INTS6L: variants seen among roughly 807,000 people sequenced by gnomAD.
The protein encoded by INTS6L is integrator complex subunit 6 like, also known as integrator complex subunit 6-like.
Under a neutral mutation model 64.7 loss-of-function variants are expected in INTS6L, and 18 were observed. The observed-to-expected ratio is 0.28, with a 90% CI of 0.19 to 0.41. The LOEUF is 0.41. Among genes scored for constraint, INTS6L ranks in the 10% least tolerant of loss-of-function variants. The probability of loss-of-function intolerance (pLI) is 1.00; values close to 1 mark genes in which losing one functional copy is unlikely to be tolerated. For missense variants in INTS6L, 533 were observed against 661.0 expected (o/e 0.81, Z 2.12); for synonymous variants, 227 against 235.9 (o/e 0.96, Z 0.34).
chrX:135,551,228 C>T (rs903352029), intron 7 of INTS6L, among the ~76,000 whole-genome samples: 1 of 112,408 alleles, frequency 8.9e-6, no homozygotes. Context: ...GTCTCTGGGA[C>T]TTGTCCTGTG....
intron 6 of INTS6L, among the ~76,000 whole-genome samples, chrX:135,548,103 G>T (rs1479064601): frequency 7.3e-5 from 8 of 109,616 alleles, no homozygotes; most frequent in African/African-American, 2.7e-4. Flanking sequence ...CACAGTGATT[G>T]TCTAGCCTGA....
chrX:135,543,577 C>T (rs1043516741), intron 2 of INTS6L, among the ~76,000 whole-genome samples: 2 of 111,623 alleles, frequency 1.8e-5, no homozygotes, highest in Non-Finnish European at 3.8e-5. Flanking sequence ...CCCTCAAGAG[C>T]TAATTCCTCT....
At chrX:135,572,521 G>T (rs1451749883) in intron 11 of INTS6L, 2 of 207,638 alleles carry the variant, frequency 9.6e-6, no homozygotes, top group Non-Finnish European at 8.6e-6. Flanking sequence ...GTAACAAAAT[G>T]TGCTTTTAAA....
At chrX:135,576,669 T>C (rs1425409326) in intron 14 of INTS6L, among the ~76,000 whole-genome samples, 2 of 44,818 alleles carry the variant, frequency 4.5e-5, no homozygotes, top group East Asian at 7.8e-4. Flanking sequence ...TGAATCTCTG[T>C]GAGGCTGCAG....
chrX:135,529,493 C>A (rs2085844243), intron 2 of INTS6L, among the ~76,000 whole-genome samples: 1 of 111,770 alleles, frequency 8.9e-6, no homozygotes, highest in South Asian at 3.7e-4. Context: ...CTTAATCCTC[C>A]TAGTGGAGGT....
At chrX:135,553,144 G>A (rs2086546031) in intron 8 of INTS6L, among the ~76,000 whole-genome samples, 1 of 109,711 alleles carries the variant, frequency 9.1e-6, no homozygotes, top group Non-Finnish European at 1.9e-5. Flanking sequence ...ATTACATATT[G>A]TGTGATTCTA....
At position 135,520,860 on chromosome X, in the gene INTS6L, G is replaced by C. The variant is rs1407433568; in HGVS notation, c.-133G>C. On this transcript the variant is annotated 5_prime_UTR_variant, in exon 1 of 18. Transcript: ENST00000639893. ...GGAGCGGTCCCATCCGTCCCGTCCCGTCCCGTCTCCCCCTCTTCCTCTTGC... is the reference window on the plus strand; with the variant it reads ...GGAGCGGTCCCATCCGTCCCGTCCCCTCCCGTCTCCCCCTCTTCCTCTTGC... 32 of 651,060 alleles carry C rather than the reference G, an allele frequency of 4.9e-5. No homozygotes were observed. The highest frequency in any genetic ancestry group is 7.7e-5 in the Non-Finnish European group (32 of 416,405). The allele number at this position is 651,060 out of a possible 1,213,427, so 53.7% of individuals were successfully genotyped here. A position where few individuals can be genotyped will look rare whatever the true frequency, so the allele number is the denominator to read the frequency against.
At chrX:135,548,047 GTATATA>G (rs5903902) in intron 6 of INTS6L, among the ~76,000 whole-genome samples, 1 of 101,330 alleles carries the variant, frequency 9.9e-6, no homozygotes. Context: ...ATGTGTAAGT[GTATATA>G]TATATATATA....
chrX:135,555,960 A>G (rs188350813), intron 8 of INTS6L, among the ~76,000 whole-genome samples: 50 of 112,332 alleles, frequency 4.5e-4, no homozygotes, highest in Non-Finnish European at 9.0e-4. Context: ...AAGTGTCAGG[A>G]TTATAAGTGT....
intron 9 of INTS6L, among the ~76,000 whole-genome samples, chrX:135,567,378 G>C (rs1313550932): frequency 1.8e-5 from 2 of 111,723 alleles, no homozygotes; most frequent in Non-Finnish European, 3.8e-5. Context: ...CCATGTGAAT[G>C]GGTATTTAAT....
chrX:135,576,465 T>A (rs2087231333), intron 14 of INTS6L, among the ~76,000 whole-genome samples: 1 of 112,249 alleles, frequency 8.9e-6, no homozygotes, highest in South Asian at 3.7e-4. Context: ...CTGTATTGTT[T>A]ATGAGTAAAA....
In INTS6L at chrX:135,582,270, C is replaced by G. The variant is rs925830733; in HGVS notation, c.*634C>G. The G allele has an allele frequency of 8.9e-6, 1 of 112,014 alleles. No homozygotes were observed. The highest frequency in any genetic ancestry group is 3.3e-5 in the African/African-American group (1 of 30,751). The allele number at this position is 112,014 out of a possible 1,213,427, so 9.2% of individuals were successfully genotyped here. A position where few individuals can be genotyped will look rare whatever the true frequency, so the allele number is the denominator to read the frequency against. On this transcript the variant is annotated 3_prime_UTR_variant, in exon 18 of 18. Coordinates refer to ENST00000639893, the MANE Select transcript of INTS6L (RefSeq NM_001351601.3). ...ATTACAAAGTGCACTTGAGGCTGCCCCCAACCTCTGACATTTGTTCTTGCA... is the reference window on the plus strand; with the variant it reads ...ATTACAAAGTGCACTTGAGGCTGCCGCCAACCTCTGACATTTGTTCTTGCA...
At position 135,577,259 on chromosome X, in the gene INTS6L, G is replaced by A; in HGVS notation, c.1951G>A (p.Glu651Lys). 8.3e-7 allele frequency: 1 copy of A among 1,211,463 alleles called. No homozygotes were observed. The highest frequency in any genetic ancestry group is 1.1e-6 in the Non-Finnish European group (1 of 895,499). The change falls in exon 15 of 18, where the codon GAA (glutamate) becomes AAA (lysine). Residue 651 changes from glutamate to lysine, a missense_variant. Transcript: ENST00000639893. ...ACAAAACAAAGTGAAACGTCCAGGGGAACCCAACAGTCCTATGTCATCTAA... is the reference window on the plus strand; with the variant it reads ...ACAAAACAAAGTGAAACGTCCAGGGAAACCCAACAGTCCTATGTCATCTAA... ...GPQNKVKRPG[E>K]PNSPMSSKRR... is the part of the protein sequence containing the mutation.
intron 2 of INTS6L, among the ~76,000 whole-genome samples, chrX:135,523,079 T>C (rs2085630990): frequency 8.9e-6 from 1 of 111,801 alleles, no homozygotes; most frequent in Non-Finnish European, 1.9e-5. Context: ...GTGTGCCTTC[T>C]TTTCCTTAAA....
Position 135,546,367 on chromosome X carries a change from A to G in INTS6L, c.340-13A>G. 1 of 1,064,676 alleles carries G rather than the reference A, an allele frequency of 9.4e-7. No homozygotes were observed. Among genetic ancestry groups the G allele is most frequent in the South Asian group, 2.3e-5 (1 of 42,762 alleles). The allele number at this position is 1,064,676 out of a possible 1,213,427, so 87.7% of individuals were successfully genotyped here. Reference sequence around the variant, plus strand: ...ACTTTACATGGCTCTAATGCTTTTTAAATGTATTTTAGGGGAGAAATCCAT... The same window carrying G: ...ACTTTACATGGCTCTAATGCTTTTTGAATGTATTTTAGGGGAGAAATCCAT... On this transcript the variant is annotated splice_polypyrimidine_tract_variant and intron_variant, in intron 3 of 17. Coordinates refer to ENST00000639893, the MANE Select transcript of INTS6L (RefSeq NM_001351601.3).
intron 3 of INTS6L, among the ~76,000 whole-genome samples, chrX:135,545,897 GA>G (rs1371000213): frequency 3.6e-5 from 4 of 111,423 alleles, no homozygotes; most frequent in African/African-American, 1.3e-4. Context: ...CCAATTTGAT[GA>G]AAAAGCTCTA....
At position 135,581,735 on chromosome X, in the gene INTS6L, C is replaced by A; in HGVS notation, c.*99C>A. The stretch of plus-strand genomic sequence containing the variant: ...TGGAATGTTTGAGTCAAGGGAATTG[C>A]TTTCCAGATGCTAAGAAGCAGCAGT... On this transcript the variant is annotated 3_prime_UTR_variant, in exon 18 of 18. Coordinates refer to ENST00000639893, the MANE Select transcript of INTS6L (RefSeq NM_001351601.3). 2.9e-6 allele frequency: 2 copies of A among 679,077 alleles called. No individual in the cohort carries two copies. The highest frequency in any genetic ancestry group is 4.5e-6 in the Non-Finnish European group (2 of 446,269). The allele number at this position is 679,077 out of a possible 1,213,427, so 56.0% of individuals were successfully genotyped here.
intron 9 of INTS6L, among the ~76,000 whole-genome samples, chrX:135,559,615 G>A (rs1556521030): frequency 8.9e-6 from 1 of 112,478 alleles, no homozygotes; most frequent in African/African-American, 3.2e-5. Flanking sequence ...TTTGCATACA[G>A]GTTGTGAACA....
intron 2 of INTS6L, among the ~76,000 whole-genome samples, chrX:135,542,297 A>G (rs1556513073): frequency 1.8e-5 from 2 of 111,513 alleles, no homozygotes; most frequent in African/African-American, 6.5e-5. Context: ...CAGGAGTTCA[A>G]GACTGCCCTG....
Sources: gnomAD v4.1 joint callset for allele counts (sites outside exome capture counted in the v4.1 genomes callset) on GRCh38, gnomAD v4.1.1 for gene constraint, MANE v1.5 for transcripts, NCBI Gene and HGNC (gene_info 2026-07-23, HGNC 2026-07-21) for gene names.